The following TET2 variants were observed in gnomAD, a reference collection of about 807,000 sequenced individuals.
TET2 encodes the protein tet methylcytosine dioxygenase 2, also known as methylcytosine dioxygenase TET2.
Under a neutral mutation model 142.9 loss-of-function variants are expected in TET2, and 299 were observed. The ratio of observed to expected loss-of-function variants is 2.09; its 90% confidence interval spans 1.90 to 2.30. The LOEUF is 2.30. Among genes scored for constraint, TET2 ranks in the 30% most tolerant of loss-of-function variants. TET2 has a pLI of 0.00. For missense variants in TET2, 2,418 were observed against 2,378.0 expected, an observed-to-expected ratio of 1.02 and a Z score of -0.35; for synonymous variants, 819 against 849.0, an observed-to-expected ratio of 0.96 and a Z score of 0.61.
intron 6 of TET2, among the ~76,000 whole-genome samples, chr4:105,247,547 C>G (rs1204274141): frequency 6.6e-6 from 1 of 151,976 alleles, no homozygotes; most frequent in Admixed American, 6.5e-5. Context: ...CTTCCCCTTT[C>G]TTTATGAATT....
In TET2 at chr4:105,234,736, C is replaced by G; in HGVS notation, c.794C>G (p.Thr265Ser). The G allele has an allele frequency of 6.2e-7, 1 of 1,614,030 alleles. No individual in the cohort carries two copies. Among genetic ancestry groups the G allele is most frequent in the Non-Finnish European group, 8.5e-7 (1 of 1,180,004 alleles). ...QATNELSCEI[T>S]HPSHTSGQIN... is the part of the protein sequence containing the mutation. Reference sequence around the variant, plus strand: ...ACTAATGAGTTGTCCTGTGAGATCACTCACCCATCGCATACCTCAGGGCAG... The same window carrying G: ...ACTAATGAGTTGTCCTGTGAGATCAGTCACCCATCGCATACCTCAGGGCAG... Residue 265 changes from threonine (T) to serine (S), a missense_variant, in exon 3 of 11, where the codon ACT becomes AGT. By Grantham distance (58) the Thr-to-Ser change is moderately conservative. Coordinates refer to ENST00000380013, the MANE Select transcript of TET2 (RefSeq NM_001127208.3).
chr4:105,222,537 G>C (rs1455888065), intron 2 of TET2, among the ~76,000 whole-genome samples: 8 of 152,134 alleles, frequency 5.3e-5, no homozygotes, highest in African/African-American at 1.2e-4. Context: ...CTGTTCATGT[G>C]CTTCGCCCAC....
At position 105,276,477 on chromosome 4, in the gene TET2, T is replaced by G; in HGVS notation, c.5967T>G (p.Tyr1989Ter). ...ACTCCACAGTAACTACATCTCCATA[T>G]GCCTTCACTCGGGTCACAGGGCCTT... ...TTDSTVTTSP[Y>*]AFTRVTGPYN... Residue 1989 changes from tyrosine (Y) to a stop codon, truncating the protein, a stop_gained, in exon 11 of 11, where the codon TAT becomes TAG. Transcript: ENST00000380013. LOFTEE classifies it high-confidence loss of function. 6.4e-7 allele frequency: 1 copy of G among 1,551,718 alleles called. No homozygotes were observed. The highest frequency in any genetic ancestry group is 8.7e-7 in the Non-Finnish European group (1 of 1,146,984).
At chr4:105,191,099 C>T (rs969433037) in intron 2 of TET2, among the ~76,000 whole-genome samples, 12 of 152,180 alleles carry the variant, frequency 7.9e-5, no homozygotes, top group African/African-American at 2.9e-4. Flanking sequence ...GTTGCCCAGG[C>T]TGCTCTGAAA....
chr4:105,209,049 GTATATATATATA>G (rs36045001), intron 2 of TET2, among the ~76,000 whole-genome samples: 1,898 of 44,172 alleles, frequency 0.043, 78 homozygotes, highest in Middle Eastern at 0.067. Flanking sequence ...TCAAGGCATG[GTATATATATATA>G]TATATATATA....
chr4:105,242,606 C>A, intron 4 of TET2: 1 of 1,243,538 alleles, frequency 8.0e-7, no homozygotes, highest in Admixed American at 4.4e-5. Flanking sequence ...ATGTAATTTA[C>A]AAAATAGTTC....
intron 8 of TET2, among the ~76,000 whole-genome samples, chr4:105,264,552 C>A (rs1240133617): frequency 6.6e-6 from 1 of 152,016 alleles, no homozygotes; most frequent in Non-Finnish European, 1.5e-5. Flanking sequence ...AACTTAAGTA[C>A]CCAAAATATG....
intron 2 of TET2, among the ~76,000 whole-genome samples, chr4:105,201,758 T>TTTTTC (rs1217294284): frequency 6.9e-6 from 1 of 145,914 alleles, no homozygotes; most frequent in Admixed American, 6.8e-5. Context: ...TTTTTTTTTT[T>TTTTTC]CAGACAGGGT....
At chr4:105,155,530 A>G (rs1723522601) in intron 1 of TET2, among the ~76,000 whole-genome samples, 1 of 152,254 alleles carries the variant, frequency 6.6e-6, no homozygotes, top group South Asian at 2.1e-4. Flanking sequence ...GTAGTTTTGG[A>G]CACACAGGGT....
chr4:105,233,470 G>A (rs1022628211), intron 2 of TET2, among the ~76,000 whole-genome samples: 1 of 151,116 alleles, frequency 6.6e-6, no homozygotes, highest in Non-Finnish European at 1.5e-5. Flanking sequence ...TGGCAGTCAA[G>A]ATGATTAAAG....
At chr4:105,168,056 A>G (rs571155859) in intron 1 of TET2, among the ~76,000 whole-genome samples, 1 of 152,204 alleles carries the variant, frequency 6.6e-6, no homozygotes, top group South Asian at 2.1e-4. Flanking sequence ...AACCACCTTC[A>G]TGTGTTACTT....
At chr4:105,190,543 T>C (rs1725724850) in intron 2 of TET2, 38 bp downstream of exon 2, 2 of 695,746 alleles carry the variant, frequency 2.9e-6, no homozygotes, top group Admixed American at 2.1e-5. Flanking sequence ...GTTTGTCAAG[T>C]ATGAATTTAT....
chr4:105,262,662 A>G (rs1178223987), intron 8 of TET2, among the ~76,000 whole-genome samples: 1 of 152,060 alleles, frequency 6.6e-6, no homozygotes, highest in Non-Finnish European at 1.5e-5. Flanking sequence ...CAGGTGGATC[A>G]CCTGAGGTCA....
At chr4:105,257,914 C>T (rs1390439245) in intron 6 of TET2, among the ~76,000 whole-genome samples, 2 of 152,080 alleles carry the variant, frequency 1.3e-5, no homozygotes, top group Non-Finnish European at 2.9e-5. Flanking sequence ...CTAGTGGGAT[C>T]TTCCAGGAAA....
At position 105,275,595 on chromosome 4, in the gene TET2, T is replaced by A. The variant is rs1345369470; in HGVS notation, c.5085T>A (p.Gly1695=). 2 of 1,551,700 alleles carry A rather than the reference T, an allele frequency of 1.3e-6. No homozygotes were observed. Among genetic ancestry groups the A allele is most frequent in the Non-Finnish European group, 1.7e-6 (2 of 1,146,982 alleles). The change falls in exon 11 of 11, where the codon GGT becomes GGA. Residue 1695 remains glycine (G), a synonymous_variant. Coordinates refer to ENST00000380013, the MANE Select transcript of TET2 (RefSeq NM_001127208.3). ...AGAGTTTTACATCTAAATACTTAGG[T>A]TATGGAAACCAAAATATGCAGGGAG... The part of the protein sequence containing the change: ...NSQSFTSKYL[G]YGNQNMQGDG...
Position 105,236,963 on chromosome 4 carries a change from TA to T in TET2, c.3023del (p.Lys1008SerfsTer25). ...PENKTWKKVT[K>X]QENPPASCDN... ...AAAACAAAACATGGAAAAAGGTAAC[TA>T]AGCAAGAGAATCCACCTGCAAGCTG... On this transcript the variant is annotated frameshift_variant, in exon 3 of 11. Transcript: ENST00000380013. LOFTEE classifies it high-confidence loss of function. The T allele has an allele frequency of 6.2e-7, 1 of 1,614,026 alleles. No individual in the cohort carries two copies. Among genetic ancestry groups the T allele is most frequent in the Non-Finnish European group, 8.5e-7 (1 of 1,180,020 alleles).
At chr4:105,190,541 A>C (rs936676656) in intron 2 of TET2, 36 bp downstream of exon 2, 33 of 696,186 alleles carry the variant, frequency 4.7e-5, no homozygotes, top group Non-Finnish European at 7.1e-5. Context: ...TTGTTTGTCA[A>C]GTATGAATTT....
Position 105,237,008 on chromosome 4 carries a change from G to T in TET2, c.3066G>T (p.Lys1022Asn), listed in dbSNP as rs984607249. 6.2e-7 allele frequency: 1 copy of T among 1,614,168 alleles called. No homozygotes were observed. The highest frequency in any genetic ancestry group is 8.5e-7 in the Non-Finnish European group (1 of 1,180,020). Residue 1022 changes from lysine (K) to asparagine (N), a missense_variant, in exon 3 of 11, where the codon AAG becomes AAT. Lys to Asn is a moderately conservative substitution (Grantham distance 94). Coordinates refer to ENST00000380013, the MANE Select transcript of TET2 (RefSeq NM_001127208.3). Reference sequence around the variant, plus strand: ...CAAGCTGTGATAATGTGCAGCAAAAGAGCATCATTGAGACCATGGAGCAGC... The same window carrying T: ...CAAGCTGTGATAATGTGCAGCAAAATAGCATCATTGAGACCATGGAGCAGC... ...PPASCDNVQQKSIIETMEQHL... is the reference protein window; with the variant it reads ...PPASCDNVQQNSIIETMEQHL...
intron 9 of TET2, among the ~76,000 whole-genome samples, chr4:105,272,256 G>C (rs1229573979): frequency 1.3e-5 from 2 of 152,130 alleles, no homozygotes; most frequent in Admixed American, 1.3e-4. Flanking sequence ...TCATTTTGGG[G>C]GAGTGTTGCT....
Sources: allele counts gnomAD v4.1 joint callset (sites outside exome capture counted in the v4.1 genomes callset), GRCh38; gene constraint gnomAD v4.1.1; transcripts MANE v1.5; gene names NCBI Gene and HGNC (gene_info 2026-07-23, HGNC 2026-07-21).